VPS13C: variants seen among roughly 807,000 people sequenced by gnomAD.
VPS13C encodes the protein intermembrane lipid transfer protein VPS13C.
VPS13C carries 358 observed loss-of-function variants against 456.8 expected under a neutral mutation model. The ratio of observed to expected loss-of-function variants is 0.78; its 90% CI spans 0.72 to 0.86. VPS13C has a LOEUF of 0.86. Among genes scored for constraint, VPS13C ranks in the 40% least tolerant of loss-of-function variants. The pLI is 0.00. For missense variants in VPS13C, 4,818 were observed against 4,385.4 expected, an observed-to-expected ratio of 1.10 and a Z score of -2.79; for synonymous variants, 1,578 against 1,486.7, an observed-to-expected ratio of 1.06 and a Z score of -1.41.
intron 44 of VPS13C, 47 bp from the exon 45 acceptor site, chr15:61,945,929 G>T (rs1301926683): frequency 7.5e-6 from 11 of 1,458,882 alleles, no homozygotes; most frequent in African/African-American, 1.4e-5. Context: ...GAGCTGTATA[G>T]CCCTTATCAA....
intron 48 of VPS13C, chr15:61,935,815 G>C (rs1425246899): frequency 6.6e-6 from 1 of 152,124 alleles, no homozygotes; most frequent in Non-Finnish European, 1.5e-5. Flanking sequence ...TGTTGATATG[G>C]TATATCAACT....
chr15:61,991,404 T>C (rs1379477836), intron 17 of VPS13C, among the ~76,000 whole-genome samples: 1 of 152,168 alleles, frequency 6.6e-6, no homozygotes. Context: ...TAACAAAAAA[T>C]GCTAAATGTT....
chr15:61,881,620 A>G lies in VPS13C; in HGVS notation c.9719T>C (p.Phe3240Ser), dbSNP rs768863890. ...TCTTGTGATGACACTCACATCAATG[A>G]AAGGCTTGGGCTCTAAGAGGAAGAA... ...SIALDSEPKP[F>S]IDVSVITRFN... Residue 3240 changes from phenylalanine (F) to serine (S), a missense_variant, in exon 71 of 85, where the codon TTC becomes TCC. This residue lies in a region of VPS13C where 4,552 missense variants were observed against 4,130.6 expected (regional missense o/e 1.10). Coordinates refer to ENST00000644861, the MANE Select transcript of VPS13C (RefSeq NM_020821.3). The G allele has an allele frequency of 1.2e-6, 2 of 1,612,786 alleles. No homozygotes were observed. Among genetic ancestry groups the G allele is most frequent in the South Asian group, 2.2e-5 (2 of 90,944 alleles).
chr15:61,873,365 T>C lies in VPS13C; in HGVS notation c.10459A>G (p.Lys3487Glu). ...VVSRITGSVG[K>E]GLAAITMDKE... Reference sequence around the variant, plus strand: ...TCCATTGTAATTGCTGCCAAACCTTTCCCAACAGAACCGGTGATTCGAGAT... The same window carrying C: ...TCCATTGTAATTGCTGCCAAACCTTCCCCAACAGAACCGGTGATTCGAGAT... The change falls in exon 78 of 85, where the codon AAA becomes GAA. Residue 3487 changes from lysine (K) to glutamate (E), a missense_variant. Coordinates refer to ENST00000644861, the MANE Select transcript of VPS13C (RefSeq NM_020821.3). 6.2e-7 allele frequency: 1 copy of C among 1,613,674 alleles called. No individual in the cohort carries two copies. Among genetic ancestry groups the C allele is most frequent in the Non-Finnish European group, 8.5e-7 (1 of 1,179,746 alleles).
At chr15:61,940,567 T>C in intron 47 of VPS13C, 80 bp downstream of exon 47, 1 of 1,377,240 alleles carries the variant, frequency 7.3e-7, no homozygotes, top group Admixed American at 2.2e-5. Context: ...TCCTACATTC[T>C]GATATCCACT....
intron 66 of VPS13C, among the ~76,000 whole-genome samples, chr15:61,893,339 TG>T (rs888582870): frequency 2.6e-5 from 4 of 152,268 alleles, no homozygotes; most frequent in African/African-American, 9.6e-5. Flanking sequence ...CTCAAAGTGT[TG>T]AAGGGGAAGA....
chr15:62,002,266 C>A (rs1430730191), intron 15 of VPS13C, among the ~76,000 whole-genome samples: 1 of 152,136 alleles, frequency 6.6e-6, no homozygotes, highest in Non-Finnish European at 1.5e-5. Flanking sequence ...TCTCTGATGG[C>A]CAGTGATGGT....
At chr15:61,972,980 C>T (rs1473602859) in intron 26 of VPS13C, among the ~76,000 whole-genome samples, 1 of 152,120 alleles carries the variant, frequency 6.6e-6, no homozygotes, top group African/African-American at 2.4e-5. Flanking sequence ...TTCTTTTCTT[C>T]AATGGTTCTG....
intron 15 of VPS13C, among the ~76,000 whole-genome samples, chr15:62,001,628 C>T (rs1424291268): frequency 2.0e-5 from 3 of 152,144 alleles, no homozygotes; most frequent in African/African-American, 4.8e-5. Flanking sequence ...ACTAACTTGT[C>T]ATCTAGCATT....
chr15:61,957,953 A>G (rs945068825), intron 37 of VPS13C, among the ~76,000 whole-genome samples: 1 of 152,056 alleles, frequency 6.6e-6, no homozygotes, highest in Non-Finnish European at 1.5e-5. Context: ...TAAAAACAGC[A>G]AAGTGAATAA....
At chr15:61,872,799 C>T (rs1895133966) in intron 78 of VPS13C, among the ~76,000 whole-genome samples, 1 of 151,990 alleles carries the variant, frequency 6.6e-6, no homozygotes, top group South Asian at 2.1e-4. Flanking sequence ...AATATTCATA[C>T]ATCACCTATA....
At chr15:61,947,087 A>G (rs938441183) in intron 43 of VPS13C, 106 bp downstream of exon 43, 13 of 724,890 alleles carry the variant, frequency 1.8e-5, no homozygotes, top group African/African-American at 5.5e-5. Context: ...AGTCTTCAAT[A>G]TAAGTAAACC....
chr15:62,000,417 T>C (rs2046569823), intron 16 of VPS13C, 147 bp downstream of exon 16: 4 of 694,224 alleles, frequency 5.8e-6, no homozygotes, highest in Non-Finnish European at 6.9e-6. Flanking sequence ...TATTAGTGGC[T>C]TTTTTTCAGT....
rs1184295998 is a variant in VPS13C, at chr15:61,878,638, T to C, written c.10111A>G (p.Thr3371Ala). 2 of 1,611,256 alleles carry C rather than the reference T, an allele frequency of 1.2e-6. No homozygotes were observed. Among genetic ancestry groups the C allele is most frequent in the East Asian group, 2.2e-5 (1 of 44,774 alleles). Reference sequence around the variant, plus strand: ...ATAAGGTCATCCACATCAGTCAGAGTAGCACCTATGCTTTTCAACAGCAAG... The same window carrying C: ...ATAAGGTCATCCACATCAGTCAGAGCAGCACCTATGCTTTTCAACAGCAAG... Reference protein sequence around the residue: ...VNLLLKSIGATLTDVDDLIFK... With the variant: ...VNLLLKSIGAALTDVDDLIFK... The change falls in exon 74 of 85, where the codon ACT (threonine) becomes GCT (alanine). Residue 3371 changes from threonine to alanine, a missense_variant. By Grantham distance (58) the Thr-to-Ala change is moderately conservative. Transcript: ENST00000644861.
intron 16 of VPS13C, among the ~76,000 whole-genome samples, chr15:61,999,309 G>A (rs1483873708): frequency 6.6e-6 from 1 of 151,918 alleles, no homozygotes; most frequent in East Asian, 1.9e-4. Flanking sequence ...AAACCTGGGA[G>A]GTAGAGGTTG....
intron 51 of VPS13C, among the ~76,000 whole-genome samples, chr15:61,928,355 T>TC (rs2140212237): frequency 6.6e-6 from 1 of 152,238 alleles, no homozygotes; most frequent in African/African-American, 2.4e-5. Flanking sequence ...AAATAGATTA[T>TC]TATTAGTTGT....
intron 15 of VPS13C, among the ~76,000 whole-genome samples, chr15:62,001,316 G>A (rs192084582): frequency 7.6e-4 from 115 of 152,244 alleles, no homozygotes; most frequent in African/African-American, 2.1e-3. Context: ...TCCATCTGAC[G>A]CCAATAACTA....
Position 62,010,582 on chromosome 15 carries a change from C to A in VPS13C, c.901G>T (p.Ala301Ser). 1 of 1,610,284 alleles carries A rather than the reference C, an allele frequency of 6.2e-7. No homozygotes were observed. Among genetic ancestry groups the A allele is most frequent in the Non-Finnish European group, 8.5e-7 (1 of 1,178,596 alleles). The change falls in exon 13 of 85, where the codon GCC becomes TCC. Residue 301 changes from alanine to serine, a missense_variant. Physicochemically the swap from Ala to Ser is moderately conservative, Grantham distance 99. This residue lies in a region of VPS13C where 4,552 missense variants were observed against 4,130.6 expected (regional missense o/e 1.10). Transcript: ENST00000644861. ...GGATTCATGTAGAGTTTTGCAGAGG[C>A]TGATATTGGCTGGAAAACTTACATC... ...NYQYIFQPIS[A>S]SAKLYMNPYA...
chr15:62,043,148 T>A (rs1436965), intron 2 of VPS13C, among the ~76,000 whole-genome samples: 79,382 of 151,772 alleles, frequency 0.52, 21,025 homozygotes, highest in Admixed American at 0.61. Flanking sequence ...AAGTTGTAGC[T>A]TCCTATATAA....
Sources: gnomAD v4.1 joint callset for allele counts (sites outside exome capture counted in the v4.1 genomes callset) on GRCh38, gnomAD v4.1.1 for gene constraint, gnomAD v4.1.1 regional missense constraint, MANE v1.5 for transcripts, NCBI Gene and HGNC (gene_info 2026-07-23, HGNC 2026-07-21) for gene names.